The following AK9 variants were observed in gnomAD, a reference collection of about 807,000 sequenced individuals.
AK9 encodes adenylate kinase domain containing 1.
A neutral mutation model predicts 239.6 loss-of-function variants in AK9; 191 were observed. That is an observed-to-expected ratio of 0.80 (90% CI 0.71 to 0.90). AK9 has a LOEUF of 0.90. Among genes scored for constraint, AK9 ranks in the 40% least tolerant of loss-of-function variants. The pLI is 0.00. For synonymous variants in AK9, 689 were observed against 721.0 expected, an observed-to-expected ratio of 0.96 and a Z score of 0.71; for missense variants, 1,995 against 2,214.7, an observed-to-expected ratio of 0.90 and a Z score of 1.99.
chr6:109,533,473 G>A lies in AK9; in HGVS notation c.3351-3C>T, dbSNP rs771504697. 2.9e-5 allele frequency: 45 copies of A among 1,562,764 alleles called. No individual in the cohort carries two copies. Among genetic ancestry groups the A allele is most frequent in the Non-Finnish European group, 3.6e-5 (42 of 1,160,804 alleles). Reference sequence around the variant, plus strand: ...CATCTAATATAAAACCTGTGGAACTGGTGGAAATTTTCATAATTTACTTTA... The same window carrying A: ...CATCTAATATAAAACCTGTGGAACTAGTGGAAATTTTCATAATTTACTTTA... On this transcript the variant is annotated splice_polypyrimidine_tract_variant and splice_region_variant and intron_variant, in intron 27 of 40. Coordinates refer to ENST00000424296, the MANE Select transcript of AK9 (RefSeq NM_001145128.3).
chr6:109,639,122 G>A (rs1298963395), intron 10 of AK9, among the ~76,000 whole-genome samples: 1 of 152,206 alleles, frequency 6.6e-6, no homozygotes, highest in Non-Finnish European at 1.5e-5. Flanking sequence ...AGGCGTGCAT[G>A]TGTCCTTATA....
At chr6:109,591,150 T>C (rs1003788244) in intron 17 of AK9, among the ~76,000 whole-genome samples, 10 of 152,200 alleles carry the variant, frequency 6.6e-5, no homozygotes, top group East Asian at 1.9e-4. Context: ...CATTGCTGTC[T>C]TTCTCTTTTC....
At chr6:109,563,540 T>C in intron 24 of AK9, 57 bp downstream of exon 24, 4 of 1,535,476 alleles carry the variant, frequency 2.6e-6, no homozygotes, top group Non-Finnish European at 3.5e-6. Flanking sequence ...ACCACTCTTA[T>C]TTGCATATTT....
At chr6:109,538,297 G>A (rs1425692516) in intron 27 of AK9, among the ~76,000 whole-genome samples, 1 of 152,102 alleles carries the variant, frequency 6.6e-6, no homozygotes. Context: ...TCCTGTATTG[G>A]GTGCATATAT....
In AK9 at chr6:109,564,638, C is replaced by T. The variant is rs1475673534; in HGVS notation, c.2434+118G>A. The stretch of plus-strand genomic sequence containing the variant: ...CCAAATATTTATGTATGTCAATTAG[C>T]ATACAACATAGAAAGAAATAAGTAT... On this transcript the variant is annotated intron_variant, in intron 22 of 40. Transcript: ENST00000424296. 8 of 694,218 alleles carry T rather than the reference C, an allele frequency of 1.2e-5. No individual in the cohort carries two copies. In the African/African-American group the frequency reaches 1.3e-4, roughly 11 times the overall value. The allele number at this position is 694,218 out of a possible 1,614,324, so 43.0% of individuals were successfully genotyped here.
intron 24 of AK9, among the ~76,000 whole-genome samples, chr6:109,552,827 T>A (rs181325593): frequency 1.3e-5 from 2 of 152,344 alleles, no homozygotes; most frequent in East Asian, 3.9e-4. Context: ...TACGTTTTTT[T>A]ATGCTTTTGG....
chr6:109,678,368 A>G (rs1484167816), intron 1 of AK9, among the ~76,000 whole-genome samples: 3 of 152,238 alleles, frequency 2.0e-5, no homozygotes, highest in Non-Finnish European at 4.4e-5. Flanking sequence ...TGACAAAAAT[A>G]TAGAAATAGA....
intron 24 of AK9, among the ~76,000 whole-genome samples, 189 bp downstream of exon 24, chr6:109,563,408 C>T (rs1343784761): frequency 6.6e-6 from 1 of 152,120 alleles, no homozygotes; most frequent in African/African-American, 2.4e-5. Flanking sequence ...TTTATCTTTT[C>T]ATGAGTCTTT....
At chr6:109,606,748 C>T (rs533203958) in intron 17 of AK9, among the ~76,000 whole-genome samples, 1 of 152,322 alleles carries the variant, frequency 6.6e-6, no homozygotes, top group South Asian at 2.1e-4. Flanking sequence ...CCCTCTGCCT[C>T]TGCTTCCCTT....
intron 17 of AK9, among the ~76,000 whole-genome samples, chr6:109,589,578 T>C (rs531866878): frequency 6.6e-6 from 1 of 152,316 alleles, no homozygotes; most frequent in South Asian, 2.1e-4. Flanking sequence ...TCTTACCTGA[T>C]TGCTATAGCT....
chr6:109,623,113 AT>A (rs200469032), intron 12 of AK9, among the ~76,000 whole-genome samples: 45 of 151,080 alleles, frequency 3.0e-4, no homozygotes, highest in African/African-American at 9.0e-4. Context: ...TGCCTGTTTG[AT>A]TTTTTTTTCC....
intron 29 of AK9, among the ~76,000 whole-genome samples, chr6:109,525,386 T>C (rs1267884602): frequency 1.3e-5 from 2 of 152,140 alleles, no homozygotes; most frequent in Non-Finnish European, 2.9e-5. Flanking sequence ...ACCAACAGAA[T>C]GGGAGAAAAT....
chr6:109,524,573 T>C (rs1272442890), intron 29 of AK9, among the ~76,000 whole-genome samples: 1 of 152,170 alleles, frequency 6.6e-6, no homozygotes, highest in Non-Finnish European at 1.5e-5. Context: ...AGGTGAACAA[T>C]AATTCAGATG....
At chr6:109,555,139 G>C (rs1019116005) in intron 24 of AK9, among the ~76,000 whole-genome samples, 3 of 152,152 alleles carry the variant, frequency 2.0e-5, no homozygotes, top group East Asian at 1.9e-4. Context: ...GCTTTCTGAT[G>C]TGGGCATTTA....
At chr6:109,612,747 A>G (rs1323686362) in intron 15 of AK9, among the ~76,000 whole-genome samples, 1 of 152,114 alleles carries the variant, frequency 6.6e-6, no homozygotes, top group Non-Finnish European at 1.5e-5. Context: ...ACAGCAGGCA[A>G]GCACATCTGT....
rs372405039 is a variant in AK9 at position 109,570,818 on chromosome 6, G to A, written c.2344+2624C>T. Among the ~76,000 whole-genome samples the A allele has an allele frequency of 3.9e-5, 6 of 152,288 alleles. No individual in the cohort carries two copies. The East Asian group carries it at 1.2e-3, about 29-fold the overall frequency. On this transcript the variant is annotated intron_variant, in intron 21 of 40. Transcript: ENST00000424296. ...GCATTTTGAGCTAGACAAAGATTGT[G>A]ATATGAAGACAAGAAGAGCTCAATG...
intron 26 of AK9, among the ~76,000 whole-genome samples, chr6:109,543,007 T>C (rs1783090890): frequency 6.6e-6 from 1 of 152,150 alleles, no homozygotes; most frequent in African/African-American, 2.4e-5. Flanking sequence ...TATATTATAA[T>C]TTTACAGTAT....
At chr6:109,621,893 TAAAAAAAAA>T (rs59405869) in intron 12 of AK9, among the ~76,000 whole-genome samples, 1 of 55,534 alleles carries the variant, frequency 1.8e-5, no homozygotes, top group African/African-American at 9.3e-5. Context: ...AAAGTATAAT[TAAAAAAAAA>T]AAAAAAAAAA....
chr6:109,601,637 T>G (rs899886106), intron 17 of AK9, among the ~76,000 whole-genome samples: 13 of 152,312 alleles, frequency 8.5e-5, no homozygotes, highest in African/African-American at 1.9e-4. Context: ...ATATTCTTGT[T>G]AACTTTCTGT....
Sources: gnomAD v4.1 joint callset for allele counts (sites outside exome capture counted in the v4.1 genomes callset) on GRCh38, gnomAD v4.1.1 for gene constraint, MANE v1.5 for transcripts, NCBI Gene and HGNC (gene_info 2026-07-23, HGNC 2026-07-21) for gene names.